Variants in UBIAD1 observed in about 807,000 individuals in gnomAD.
UBIAD1 encodes UbiA prenyltransferase domain containing 1.
UBIAD1 carries 12 observed loss-of-function variants against 20.1 expected under a neutral mutation model. The observed-to-expected ratio is 0.60, with a 90% CI of 0.38 to 0.97. The LOEUF is 0.97. Among genes scored for constraint, UBIAD1 ranks in the 50% least tolerant of loss-of-function variants. The pLI is 0.00. For synonymous variants in UBIAD1, 207 were observed against 189.2 expected (o/e 1.09, Z -0.77); for missense variants, 333 against 419.5 (o/e 0.79, Z 1.80).
At chr1:11,290,553 C>T (rs541207819), downstream of UBIAD1, among the ~76,000 whole-genome samples, 96 of 152,344 alleles carry the variant, frequency 6.3e-4, 1 homozygote, top group Middle Eastern at 0.02. Context: ...TTCTTCTCTA[C>T]GCTTTGCAGG....
At chr1:11,281,581 A>G (rs1028833495) in intron 1 of UBIAD1, among the ~76,000 whole-genome samples, 7 of 152,222 alleles carry the variant, frequency 4.6e-5, no homozygotes, top group African/African-American at 1.7e-4. Flanking sequence ...TAATTGACAC[A>G]CAGTGAAATG....
rs749588703 is a variant in UBIAD1, at chr1:11,273,773, C to T, written c.242C>T (p.Pro81Leu). 6.2e-7 allele frequency: 1 copy of T among 1,613,996 alleles called. No individual in the cohort carries two copies. Among genetic ancestry groups the T allele is most frequent in the African/African-American group, 1.3e-5 (1 of 74,936 alleles). ...TACAGATCCCACGGTGTCCTGGATC[C>T]CAGGCTCTTGGTGGGTTGTGCCGTG... ...LAYRSHGVLD[P>L]RLLVGCAVAV... Residue 81 changes from proline to leucine, a missense_variant, in exon 1 of 2, where the codon CCC (proline) becomes CTC (leucine). This residue lies in a region of UBIAD1 where 50 missense variants were observed against 101.2 expected (regional missense o/e 0.49). Coordinates refer to ENST00000376810, the MANE Select transcript of UBIAD1 (RefSeq NM_013319.3). This position sits in a 1 kb window ranked among gnomAD's most constrained non-coding sequence, Gnocchi z 4.9.
At position 11,273,490 on chromosome 1, in the gene UBIAD1, G is replaced by A. The variant is rs781088648; in HGVS notation, c.-42G>A. ...CCTCCTTCCCGGGCGGTCACTGTGC[G>A]TGGCTCACTTTTAGAGTTTACTTCA... On this transcript the variant is annotated 5_prime_UTR_variant, in exon 1 of 2. In the 5' UTR this introduces an upstream ATG that the reference lacks. Transcript: ENST00000376810. This position sits in a 1 kb window ranked among gnomAD's most constrained non-coding sequence, Gnocchi z 4.9. 2 of 1,609,108 alleles carry A rather than the reference G, an allele frequency of 1.2e-6. No homozygotes were observed. The highest frequency in any genetic ancestry group is 2.2e-5 in the South Asian group (2 of 90,934).
chr1:11,288,918 A>C (rs543227326), downstream of UBIAD1, among the ~76,000 whole-genome samples: 15 of 152,242 alleles, frequency 9.9e-5, no homozygotes, highest in South Asian at 1.5e-3. Context: ...TCTCAAAAAA[A>C]AAAACAAAAC....
intron 1 of UBIAD1, among the ~76,000 whole-genome samples, chr1:11,284,941 C>T (rs781554345): frequency 3.3e-5 from 5 of 151,826 alleles, no homozygotes; most frequent in Non-Finnish European, 7.4e-5. Flanking sequence ...AGGGTGGCCC[C>T]GGGGATGGAG....
chr1:11,273,593 C>G lies in UBIAD1; in HGVS notation c.62C>G (p.Ala21Gly). 3 of 1,613,856 alleles carry G rather than the reference C, an allele frequency of 1.9e-6. No homozygotes were observed. Among genetic ancestry groups the G allele is most frequent in the Non-Finnish European group, 2.5e-6 (3 of 1,180,046 alleles). ...INILSGETVK[A>G]GDRDPLGNDC... ...ATCCTGTCGGGAGAGACTGTCAAAG[C>G]TGGGGACAGGGACCCGCTGGGGAAC... Residue 21 changes from alanine to glycine, a missense_variant, in exon 1 of 2, where the codon GCT (alanine) becomes GGT (glycine). Coordinates refer to ENST00000376810, the MANE Select transcript of UBIAD1 (RefSeq NM_013319.3). The surrounding 1 kb of genome is among the most constrained non-coding windows in gnomAD (Gnocchi z 4.9).
chr1:11,289,379 CA>C (rs1456174993), downstream of UBIAD1, among the ~76,000 whole-genome samples: 8 of 152,192 alleles, frequency 5.3e-5, no homozygotes, highest in Non-Finnish European at 1.0e-4. Context: ...CCTCATAAAT[CA>C]AAAGGCTGCT....
At chr1:11,279,910 C>T (rs1465749011) in intron 1 of UBIAD1, among the ~76,000 whole-genome samples, 1 of 152,070 alleles carries the variant, frequency 6.6e-6, no homozygotes, top group East Asian at 1.9e-4. Context: ...AGCCCTGGGA[C>T]ACTCCCACAT....
chr1:11,284,689 C>T (rs1346778637), intron 1 of UBIAD1, among the ~76,000 whole-genome samples: 1 of 152,172 alleles, frequency 6.6e-6, no homozygotes, highest in East Asian at 1.9e-4. Context: ...ATCTGGAAGT[C>T]CTGACCTCAG....
chr1:11,278,875 T>C, intron 1 of UBIAD1: 1 of 379,580 alleles, frequency 2.6e-6, no homozygotes, highest in East Asian at 4.2e-5. Flanking sequence ...TTCTTTTTTT[T>C]TATTTTTGAG....
At chr1:11,275,710 T>A (rs1265395831) in intron 1 of UBIAD1, among the ~76,000 whole-genome samples, 2 of 152,186 alleles carry the variant, frequency 1.3e-5, no homozygotes, top group East Asian at 1.9e-4. Flanking sequence ...ACCACTGCAC[T>A]CCAGCCTGGG....
Position 11,273,834 on chromosome 1 carries a change from C to T in UBIAD1, c.303C>T (p.Val101=), listed in dbSNP as rs370408124. ...CTGTGCACGGGGCCGGTAATTTGGT[C>T]AACACTTACTATGACTTTTCCAAGG... ...VLAVHGAGNL[V]NTYYDFSKGI... Residue 101 remains valine (V), a synonymous_variant, in exon 1 of 2, where the codon GTC becomes GTT. Coordinates refer to ENST00000376810, the MANE Select transcript of UBIAD1 (RefSeq NM_013319.3). This position sits in a 1 kb window ranked among gnomAD's most constrained non-coding sequence, Gnocchi z 4.9. 3.7e-5 allele frequency: 60 copies of T among 1,614,042 alleles called. No homozygotes were observed. The highest frequency in any genetic ancestry group is 4.8e-5 in the Non-Finnish European group (57 of 1,180,024).
At position 11,286,263 on chromosome 1, in the gene UBIAD1, T is replaced by C; in HGVS notation, c.*132T>C. 8.3e-7 allele frequency: 1 copy of C among 1,200,296 alleles called. No individual in the cohort carries two copies. Among genetic ancestry groups the C allele is most frequent in the Non-Finnish European group, 1.2e-6 (1 of 850,320 alleles). 74.4% of individuals were successfully genotyped at this position (1,200,296 alleles called of 1,614,324 possible). ...GTGGGAACTCCTGCCTTATAAAAAT[T>C]GTTTTTGTGTTCTTAAAGATAATAT... is the stretch of plus-strand genomic sequence containing the variant. On this transcript the variant is annotated 3_prime_UTR_variant, in exon 2 of 2. Transcript: ENST00000376810.
At chr1:11,284,242 G>A (rs1403689064) in intron 1 of UBIAD1, among the ~76,000 whole-genome samples, 1 of 152,174 alleles carries the variant, frequency 6.6e-6, no homozygotes, top group Non-Finnish European at 1.5e-5. Context: ...GTCTTAAAGG[G>A]TGAGTAGAGT....
chr1:11,278,105 G>A (rs557296189), intron 1 of UBIAD1, among the ~76,000 whole-genome samples: 3 of 151,972 alleles, frequency 2.0e-5, no homozygotes, highest in Middle Eastern at 3.2e-3. Flanking sequence ...CTACAGGCGC[G>A]TGCTACCACG....
rs1651839737 is a variant in UBIAD1, at chr1:11,273,255, G to C, written c.-277G>C. The C allele has an allele frequency of 6.3e-6, 3 of 477,252 alleles. No homozygotes were observed. Among genetic ancestry groups the C allele is most frequent in the Non-Finnish European group, 1.1e-5 (3 of 264,082 alleles). The allele number at this position is 477,252 out of a possible 1,614,324, so 29.6% of individuals were successfully genotyped here. ...AAGATGGCGGCTCTGGCGGCCTAAA[G>C]AAGGCGGCCGCGGCTCAGCCGTGGG... On this transcript the variant is annotated 5_prime_UTR_variant, in exon 1 of 2. Transcript: ENST00000376810. The surrounding 1 kb of genome is among the most constrained non-coding windows in gnomAD (Gnocchi z 4.9).
At chr1:11,293,979 C>T (rs1468211571) in intron 1 of UBIAD1, among the ~76,000 whole-genome samples, 1 of 152,172 alleles carries the variant, frequency 6.6e-6, no homozygotes, top group African/African-American at 2.4e-5. Flanking sequence ...GGCCCCATGG[C>T]AGTACTCTTA....
chr1:11,292,404 G>A (rs1412910084), downstream of UBIAD1, among the ~76,000 whole-genome samples: 1 of 152,124 alleles, frequency 6.6e-6, no homozygotes, highest in African/African-American at 2.4e-5. Flanking sequence ...GCATTCAAGC[G>A]AAAAGATGAT....
exon 2 of UBIAD1, chr1:11,294,963 CT>C: frequency 1.4e-6 from 1 of 717,408 alleles, no homozygotes; most frequent in Admixed American, 2.0e-5. Context: ...CCTTCTAGAC[CT>C]GCCTCCTGAG....
Sources: gnomAD v4.1 joint callset for allele counts (sites outside exome capture counted in the v4.1 genomes callset) on GRCh38, gnomAD v4.1.1 for gene constraint, gnomAD v4.1.1 regional missense constraint, Gnocchi (gnomAD v3.1) non-coding constraint, MANE v1.5 for transcripts, NCBI Gene and HGNC (gene_info 2026-07-23, HGNC 2026-07-21) for gene names.